Variants in ARHGAP22 observed in about 807,000 individuals in gnomAD.
The protein encoded by ARHGAP22 is Rho GTPase activating protein 22.
Under a neutral mutation model 59.1 loss-of-function variants are expected in ARHGAP22, and 48 were observed. The observed-to-expected ratio is 0.81, with a 90% CI of 0.64 to 1.03. The LOEUF (loss-of-function observed/expected upper bound fraction) is 1.03. Among genes scored for constraint, ARHGAP22 ranks in the 50% least tolerant of loss-of-function variants. The pLI, the probability that ARHGAP22 is intolerant of heterozygous loss-of-function variation, is 0.00. For missense variants in ARHGAP22, 1,015 were observed against 958.7 expected (o/e 1.06, Z -0.78); for synonymous variants, 445 against 416.4 (o/e 1.07, Z -0.84).
Position 48,652,324 on chromosome 10 carries a change from T to C in ARHGAP22, c.-39A>G, listed in dbSNP as rs1378981426. The C allele has an allele frequency of 2.0e-6, 3 of 1,525,278 alleles. No homozygotes were observed. The Admixed American group carries it at 5.9e-5, about 30-fold the overall frequency. 94.5% of individuals were successfully genotyped at this position (1,525,278 alleles called of 1,614,324 possible). On this transcript the variant is annotated 5_prime_UTR_variant, in exon 1 of 10. Transcript: ENST00000435790. ...GTCTGTGCAAATTTCTTCTGTATCC[T>C]TTTTATAAAGAACCAACCACATCCT...
chr10:48,639,165 C>A lies in ARHGAP22; in HGVS notation c.52+13069G>T, dbSNP rs146338777. On this transcript the variant is annotated intron_variant, in intron 1 of 9. Transcript: ENST00000435790. ...CAGGGTGGGGCATTGTCATGGGGAGCAGCAATTTTGCGCATGCAGTCCAAA... is the reference window on the plus strand; with the variant it reads ...CAGGGTGGGGCATTGTCATGGGGAGAAGCAATTTTGCGCATGCAGTCCAAA... Among the ~76,000 whole-genome samples, 14 of 152,326 alleles carry A rather than the reference C, an allele frequency of 9.2e-5. No individual in the cohort carries two copies. The East Asian group carries it at 2.7e-3, about 29-fold the overall frequency.
chr10:48,519,454 C>T (rs1227898292), intron 3 of ARHGAP22, among the ~76,000 whole-genome samples: 1 of 152,236 alleles, frequency 6.6e-6, no homozygotes, highest in Non-Finnish European at 1.5e-5. Context: ...CAGTGGACTG[C>T]CACTGGGATC....
Position 48,451,040 on chromosome 10 carries a change from G to A in ARHGAP22, c.1089C>T (p.Gly363=), listed in dbSNP as rs1428527534. Residue 363 remains glycine, a synonymous_variant, in exon 9 of 10, where the codon GGC becomes GGT. Coordinates refer to ENST00000249601, the MANE Select transcript of ARHGAP22 (RefSeq NM_021226.4). The part of the protein sequence containing the change: ...VPEGPTSPRG[G]LQCAVGWGSE... Reference sequence around the variant, plus strand: ...AGCCCCACCCCACTGCGCATTGCAGGCCCCCGCGCGGGGAGGTGGGCCCTT... The same window carrying A: ...AGCCCCACCCCACTGCGCATTGCAGACCCCCGCGCGGGGAGGTGGGCCCTT... 4 of 1,552,842 alleles carry A rather than the reference G, an allele frequency of 2.6e-6. 1 individual carries two copies. Among genetic ancestry groups the A allele is most frequent in the Admixed American group, 3.9e-5 (2 of 51,280 alleles).
intron 2 of ARHGAP22, among the ~76,000 whole-genome samples, chr10:48,568,664 T>G (rs1488227610): frequency 6.6e-6 from 1 of 152,260 alleles, no homozygotes; most frequent in Non-Finnish European, 1.5e-5. Flanking sequence ...ACCATTGTGA[T>G]GCTCACCGTC....
chr10:48,585,076 G>A (rs1262209253), intron 1 of ARHGAP22, among the ~76,000 whole-genome samples: 1 of 152,142 alleles, frequency 6.6e-6, no homozygotes, highest in African/African-American at 2.4e-5. Context: ...AAAGCTGAGT[G>A]TTGAGAGAGA....
intron 6 of ARHGAP22, 69 bp from the exon 7 acceptor site, chr10:48,454,230 G>T: frequency 7.1e-7 from 1 of 1,412,010 alleles, no homozygotes; most frequent in Non-Finnish European, 1.0e-6. Flanking sequence ...ACTGCGAGGA[G>T]GGGTGGGCAA....
Position 48,455,045 on chromosome 10 carries a change from T to C in ARHGAP22, c.749A>G (p.Asp250Gly). The change falls in exon 6 of 10, where the codon GAC becomes GGC. Residue 250 changes from aspartate (D) to glycine (G), a missense_variant. Transcript: ENST00000249601. The stretch of plus-strand genomic sequence containing the variant: ...GAGCAGCTGGGCGCAGCTGAGGAAG[T>C]CCTCGTACCTGGCGAAGGGGACCAC... ...EPVVPFARYE[D>G]FLSCAQLLTK... 6.2e-7 allele frequency: 1 copy of C among 1,611,718 alleles called. No individual in the cohort carries two copies. Among genetic ancestry groups the C allele is most frequent in the Non-Finnish European group, 8.5e-7 (1 of 1,178,970 alleles).
At chr10:48,531,179 G>A (rs2054810426) in intron 3 of ARHGAP22, among the ~76,000 whole-genome samples, 1 of 152,186 alleles carries the variant, frequency 6.6e-6, no homozygotes, top group African/African-American at 2.4e-5. Flanking sequence ...GAATGGAAAA[G>A]CAAACATCGT....
intron 4 of ARHGAP22, among the ~76,000 whole-genome samples, chr10:48,471,991 G>C (rs559143217): frequency 2.0e-5 from 3 of 151,762 alleles, no homozygotes; most frequent in Admixed American, 6.6e-5. Context: ...GGTGGATCAT[G>C]AGGTCAGGAG....
At chr10:48,549,211 C>T (rs557271483) in intron 3 of ARHGAP22, among the ~76,000 whole-genome samples, 7 of 152,314 alleles carry the variant, frequency 4.6e-5, no homozygotes, top group Admixed American at 6.5e-5. Flanking sequence ...GCCCTATGTT[C>T]CCAGGCTGGA....
intron 3 of ARHGAP22, among the ~76,000 whole-genome samples, chr10:48,540,142 G>T (rs182945877): frequency 1.7e-4 from 26 of 152,296 alleles, no homozygotes; most frequent in Admixed American, 6.5e-4. Flanking sequence ...AAATAAGTCA[G>T]CCAATACATA....
At chr10:48,517,659 A>T (rs1372937402) in intron 3 of ARHGAP22, among the ~76,000 whole-genome samples, 1 of 152,098 alleles carries the variant, frequency 6.6e-6, no homozygotes, top group African/African-American at 2.4e-5. Context: ...GGAGGCCAGC[A>T]GCGTTGACCC....
rs76517251 is a variant in ARHGAP22, at chr10:48,525,924, G to A, written c.322+29539C>T. Among the ~76,000 whole-genome samples the A allele has an allele frequency of 6.6e-5, 10 of 152,310 alleles. No individual in the cohort carries two copies. In the East Asian group the frequency reaches 1.9e-3, roughly 29 times the overall value. The stretch of plus-strand genomic sequence containing the variant: ...GGAAAGCATAATCAGGTATTATTGT[G>A]TAATTAAAGTAAATAATCAATTTAC... On this transcript the variant is annotated intron_variant, in intron 3 of 9. Coordinates refer to ENST00000249601, the MANE Select transcript of ARHGAP22 (RefSeq NM_021226.4).
intron 4 of ARHGAP22, among the ~76,000 whole-genome samples, chr10:48,474,616 G>C (rs993451390): frequency 6.6e-6 from 1 of 152,008 alleles, no homozygotes; most frequent in African/African-American, 2.4e-5. Context: ...TCTATTCCTA[G>C]GGATAGAATA....
chr10:48,526,452 A>AAG (rs1179738689), intron 3 of ARHGAP22, among the ~76,000 whole-genome samples: 1 of 152,182 alleles, frequency 6.6e-6, no homozygotes. Context: ...GGGGGTTACA[A>AAG]AGAGAGAGTA....
chr10:48,552,728 G>A (rs1005273030), intron 3 of ARHGAP22, among the ~76,000 whole-genome samples: 1 of 152,226 alleles, frequency 6.6e-6, no homozygotes. Flanking sequence ...GAGGTCACAC[G>A]AGAGGTTTGC....
At chr10:48,560,548 G>C (rs1232420991) in intron 2 of ARHGAP22, among the ~76,000 whole-genome samples, 1 of 152,104 alleles carries the variant, frequency 6.6e-6, no homozygotes, top group Admixed American at 6.5e-5. Flanking sequence ...TTTTATGGAA[G>C]TGGTGAGAAT....
chr10:48,522,248 C>T (rs1473854458), intron 3 of ARHGAP22, among the ~76,000 whole-genome samples: 1 of 152,246 alleles, frequency 6.6e-6, no homozygotes, highest in Non-Finnish European at 1.5e-5. Flanking sequence ...CCATGGGCTG[C>T]AGAACCTTGT....
At chr10:48,548,137 G>A (rs1420997758) in intron 3 of ARHGAP22, among the ~76,000 whole-genome samples, 7 of 152,176 alleles carry the variant, frequency 4.6e-5, no homozygotes, top group African/African-American at 2.4e-5. Flanking sequence ...TGCAGAGCCA[G>A]GCGAGATTCA....
Sources: allele counts gnomAD v4.1 joint callset (sites outside exome capture counted in the v4.1 genomes callset), GRCh38; gene constraint gnomAD v4.1.1; transcripts MANE v1.5; gene names NCBI Gene and HGNC (gene_info 2026-07-23, HGNC 2026-07-21).